Variants in CPED1 observed in about 807,000 individuals in gnomAD.
CPED1 encodes the protein cadherin like and PC-esterase domain containing 1.
A neutral mutation model predicts 128.2 loss-of-function variants in CPED1; 114 were observed. That is an observed-to-expected ratio of 0.89 (90% CI 0.76 to 1.04). The LOEUF (loss-of-function observed/expected upper bound fraction) is 1.04. CPED1 is among the 50% of genes least tolerant of loss of function. The pLI, the probability that CPED1 is intolerant of heterozygous loss-of-function variation, is 0.00. For synonymous variants in CPED1, 462 were observed against 426.7 expected (o/e 1.08, Z -1.02); for missense variants, 1,211 against 1,207.1 (o/e 1.00, Z -0.05).
At chr7:121,079,360 T>TA (rs1444497416) in intron 5 of CPED1, among the ~76,000 whole-genome samples, 2 of 152,232 alleles carry the variant, frequency 1.3e-5, no homozygotes, top group Admixed American at 1.3e-4. Context: ...CTGCTTATGG[T>TA]AAAGCCCATG....
At chr7:120,996,230 C>T (rs1380320657) in intron 2 of CPED1, among the ~76,000 whole-genome samples, 1 of 151,926 alleles carries the variant, frequency 6.6e-6, no homozygotes, top group Non-Finnish European at 1.5e-5. Flanking sequence ...GCTGCAGTGA[C>T]CTGTGATCAT....
At chr7:121,180,406 T>C (rs1471810776) in intron 16 of CPED1, among the ~76,000 whole-genome samples, 1 of 152,108 alleles carries the variant, frequency 6.6e-6, no homozygotes, top group Non-Finnish European at 1.5e-5. Context: ...GGTAGCTAAT[T>C]TGATTTTCTT....
At chr7:121,045,573 T>C (rs142735507) in intron 3 of CPED1, among the ~76,000 whole-genome samples, 337 of 152,352 alleles carry the variant, frequency 2.2e-3, no homozygotes, top group African/African-American at 7.6e-3. Flanking sequence ...AGAAATTCTT[T>C]TGAAAAATTT....
chr7:121,092,034 C>A (rs545676894), intron 5 of CPED1, among the ~76,000 whole-genome samples: 1 of 152,262 alleles, frequency 6.6e-6, no homozygotes, highest in East Asian at 1.9e-4. Context: ...AGCAGCCTTC[C>A]TTTTGGCTGT....
intron 2 of CPED1, among the ~76,000 whole-genome samples, chr7:120,992,215 A>G (rs1796320186): frequency 6.6e-6 from 1 of 152,192 alleles, no homozygotes; most frequent in South Asian, 2.1e-4. Context: ...AAAACCTAGA[A>G]TTAGCTTTGA....
intron 5 of CPED1, among the ~76,000 whole-genome samples, chr7:121,082,836 GC>G (rs1794326909): frequency 6.6e-6 from 1 of 152,174 alleles, no homozygotes. Context: ...TAAGAAAGGA[GC>G]TATTTAAAGA....
intron 4 of CPED1, among the ~76,000 whole-genome samples, chr7:121,053,620 T>C (rs1252742026): frequency 1.3e-5 from 2 of 152,174 alleles, no homozygotes; most frequent in Non-Finnish European, 2.9e-5. Context: ...AGATCCTGTT[T>C]TTCTTCAAAT....
intron 2 of CPED1, among the ~76,000 whole-genome samples, chr7:121,006,173 G>T (rs1206282134): frequency 1.3e-5 from 2 of 152,108 alleles, no homozygotes; most frequent in Non-Finnish European, 2.9e-5. Context: ...CTGAATTGCT[G>T]AATTAACTTG....
chr7:121,076,373 G>A (rs1169624834), intron 5 of CPED1, among the ~76,000 whole-genome samples: 2 of 152,070 alleles, frequency 1.3e-5, no homozygotes, highest in Non-Finnish European at 2.9e-5. Context: ...CATAAACTAG[G>A]TAGAAAGATA....
chr7:121,134,898 A>G (rs1024701256), intron 13 of CPED1, among the ~76,000 whole-genome samples: 1 of 151,956 alleles, frequency 6.6e-6, no homozygotes, highest in Non-Finnish European at 1.5e-5. Flanking sequence ...TGTTCATTTT[A>G]AGGAAATAAT....
chr7:121,182,520 C>T (rs932980606), intron 16 of CPED1, among the ~76,000 whole-genome samples: 3 of 151,620 alleles, frequency 2.0e-5, no homozygotes, highest in African/African-American at 4.8e-5. Flanking sequence ...CTCTCTTCCT[C>T]CCTCCCTTTT....
intron 16 of CPED1, among the ~76,000 whole-genome samples, chr7:121,161,834 G>A (rs1796418737): frequency 6.6e-6 from 1 of 152,188 alleles, no homozygotes; most frequent in Non-Finnish European, 1.5e-5. Context: ...GATCCATTAA[G>A]AAAGGGGGTA....
intron 5 of CPED1, among the ~76,000 whole-genome samples, chr7:121,096,657 A>C (rs1794705464): frequency 6.6e-6 from 1 of 152,230 alleles, no homozygotes; most frequent in Non-Finnish European, 1.5e-5. Context: ...TAGCAAAAGA[A>C]AAACATTACA....
At chr7:121,190,296 G>T (rs1368927615) in intron 16 of CPED1, among the ~76,000 whole-genome samples, 2 of 150,252 alleles carry the variant, frequency 1.3e-5, no homozygotes, top group African/African-American at 4.9e-5. Context: ...GCACATGCTG[G>T]TGATTTGAGA....
Position 121,018,343 on chromosome 7 carries a change from C to T in CPED1, c.433+2495C>T, listed in dbSNP as rs1310159796. ...TTGTTTTGCTTTAGTTTCACATATT[C>T]ATCTCATGGTTATTTTTACCATGTG... On this transcript the variant is annotated intron_variant, in intron 3 of 22. Transcript: ENST00000310396. 3.9e-5 allele frequency among the ~76,000 whole-genome samples: 6 copies of T among 152,224 alleles called. No individual in the cohort carries two copies. The East Asian group carries it at 1.2e-3, about 29-fold the overall frequency.
chr7:121,230,532 G>A (rs1798111959), intron 16 of CPED1, among the ~76,000 whole-genome samples: 1 of 152,022 alleles, frequency 6.6e-6, no homozygotes, highest in Non-Finnish European at 1.5e-5. Context: ...TATCAAAATG[G>A]TTTCAGAAGA....
At chr7:121,219,587 C>G (rs185244405) in intron 16 of CPED1, among the ~76,000 whole-genome samples, 61 of 152,118 alleles carry the variant, frequency 4.0e-4, no homozygotes, top group Non-Finnish European at 7.1e-4. Flanking sequence ...TCCTTGCAGA[C>G]TAACTTAAAA....
intron 7 of CPED1, 87 bp downstream of exon 7, chr7:121,100,181 G>T (rs766323294): frequency 3.6e-5 from 41 of 1,139,092 alleles, no homozygotes; most frequent in Non-Finnish European, 5.2e-5. Flanking sequence ...CACCTTTATG[G>T]TTATCAAATC....
intron 4 of CPED1, among the ~76,000 whole-genome samples, chr7:121,060,550 T>A (rs1418298085): frequency 6.6e-6 from 1 of 152,224 alleles, no homozygotes; most frequent in Non-Finnish European, 1.5e-5. Context: ...CAGTCCACTC[T>A]GTATCTAGCT....
Sources: allele counts gnomAD v4.1 joint callset (sites outside exome capture counted in the v4.1 genomes callset), GRCh38; gene constraint gnomAD v4.1.1; transcripts MANE v1.5; gene names NCBI Gene and HGNC (gene_info 2026-07-23, HGNC 2026-07-21).